The following MAGI2 variants were observed in gnomAD, a reference collection of about 807,000 sequenced individuals.
The protein encoded by MAGI2 is membrane-associated guanylate kinase, WW and PDZ domain-containing protein 2.
Under a neutral mutation model 133.3 loss-of-function variants are expected in MAGI2, and 35 were observed. The observed-to-expected ratio is 0.26, with a 90% CI of 0.20 to 0.35. The LOEUF (loss-of-function observed/expected upper bound fraction) is 0.35. Ranked by LOEUF, MAGI2 falls within the 10% of genes least tolerant of loss-of-function variation. The pLI is 1.00. For missense variants in MAGI2, 1,636 were observed against 1,863.4 expected, an observed-to-expected ratio of 0.88 and a Z score of 2.25; for synonymous variants, 729 against 710.6, an observed-to-expected ratio of 1.03 and a Z score of -0.41.
intron 3 of MAGI2, among the ~76,000 whole-genome samples, chr7:78,565,018 C>T (rs1015459477): frequency 2.6e-5 from 4 of 151,880 alleles, no homozygotes; most frequent in Non-Finnish European, 4.4e-5. Context: ...TGGTCTTGAT[C>T]TCCTGACCTT....
intron 1 of MAGI2, among the ~76,000 whole-genome samples, chr7:79,425,391 CT>C (rs1225263868): frequency 6.6e-6 from 1 of 151,828 alleles, no homozygotes; most frequent in Admixed American, 6.6e-5. Flanking sequence ...AGTATTCTGA[CT>C]TCTACGTAAC....
rs1352227348 is a variant in MAGI2 at position 78,160,146 on chromosome 7, A to G, written c.2724T>C (p.Pro908=). 9.3e-6 allele frequency: 15 copies of G among 1,612,506 alleles called. No homozygotes were observed. Among genetic ancestry groups the G allele is most frequent in the African/African-American group, 2.7e-5 (2 of 74,938 alleles). The change falls in exon 16 of 22, where the codon CCT becomes CCC. Residue 908 remains proline (P), a synonymous_variant. Coordinates refer to ENST00000354212, the MANE Select transcript of MAGI2 (RefSeq NM_012301.4). The part of the protein sequence containing the change: ...HAAPSSNASP[P]EGFASHSLQT... ...GCAGGCTGTGGGAGGCGAAGCCTTC[A>G]GGGGGAGAGGCATTGCTACTGGGGG...
intron 10 of MAGI2, among the ~76,000 whole-genome samples, chr7:78,228,639 T>G (rs566370374): frequency 6.6e-6 from 1 of 152,234 alleles, no homozygotes; most frequent in African/African-American, 2.4e-5. Flanking sequence ...TCCGAGTGTT[T>G]ATATTTAAAA....
At chr7:78,445,487 T>C (rs894355410) in intron 6 of MAGI2, among the ~76,000 whole-genome samples, 2 of 152,092 alleles carry the variant, frequency 1.3e-5, no homozygotes, top group African/African-American at 4.8e-5. Context: ...ATATATAATC[T>C]TCATATACCC....
At position 78,832,144 on chromosome 7, in the gene MAGI2, T is replaced by C. The variant is rs535834279; in HGVS notation, c.418+174946A>G. 5.9e-5 allele frequency among the ~76,000 whole-genome samples: 9 copies of C among 151,306 alleles called. No individual in the cohort carries two copies. The East Asian group carries it at 1.8e-3, about 30-fold the overall frequency. Reference sequence around the variant, plus strand: ...CATGATGAACCCTAACTAAAGCTGCTCAAAGTATTCTCTGAAGAAAAAAAA... The same window carrying C: ...CATGATGAACCCTAACTAAAGCTGCCCAAAGTATTCTCTGAAGAAAAAAAA... On this transcript the variant is annotated intron_variant, in intron 2 of 21. Transcript: ENST00000354212.
At chr7:78,544,611 C>A (rs1047670265) in intron 3 of MAGI2, among the ~76,000 whole-genome samples, 3 of 152,068 alleles carry the variant, frequency 2.0e-5, no homozygotes, top group African/African-American at 7.2e-5. Context: ...ATCTGCAGTC[C>A]AGTAGCATCA....
chr7:79,274,299 G>A (rs1043351250), intron 1 of MAGI2, among the ~76,000 whole-genome samples: 3 of 152,074 alleles, frequency 2.0e-5, no homozygotes, highest in African/African-American at 7.2e-5. Context: ...TACCTTCAGA[G>A]TTTCTGATTC....
intron 21 of MAGI2, among the ~76,000 whole-genome samples, chr7:78,064,701 A>G (rs1319492124): frequency 6.6e-6 from 1 of 152,170 alleles, no homozygotes; most frequent in Non-Finnish European, 1.5e-5. Context: ...AGCCAAAGTG[A>G]CATATAAAAT....
At chr7:79,270,465 T>C (rs1243921207) in intron 1 of MAGI2, among the ~76,000 whole-genome samples, 1 of 152,186 alleles carries the variant, frequency 6.6e-6, no homozygotes, top group Non-Finnish European at 1.5e-5. Context: ...ATTGAAGCAA[T>C]CTGTGATCAT....
At chr7:79,176,608 T>A (rs540911319) in intron 1 of MAGI2, among the ~76,000 whole-genome samples, 1 of 151,972 alleles carries the variant, frequency 6.6e-6, no homozygotes, top group Non-Finnish European at 1.5e-5. Flanking sequence ...ATCAGAGATA[T>A]ATAGATACAT....
At position 78,809,073 on chromosome 7, in the gene MAGI2, A is replaced by G. The variant is rs188373811; in HGVS notation, c.419-181834T>C. On this transcript the variant is annotated intron_variant, in intron 2 of 21. Transcript: ENST00000354212. ...AGTATAACTTAACATTGATGGTGAA[A>G]ATACAACAATTTGTCTTCGTTTGCA... 3.5e-4 allele frequency among the ~76,000 whole-genome samples: 54 copies of G among 152,314 alleles called. 2 individuals are homozygous for G. The South Asian group carries it at 0.011, about 30-fold the overall frequency.
At chr7:78,836,922 G>C (rs1329228250) in intron 2 of MAGI2, among the ~76,000 whole-genome samples, 1 of 152,100 alleles carries the variant, frequency 6.6e-6, no homozygotes, top group Non-Finnish European at 1.5e-5. Context: ...TTCGTACTTT[G>C]TGTTTACATA....
In MAGI2 at chr7:79,158,388, T is replaced by C. The variant is rs1466824254; in HGVS notation, c.302-151182A>G. Among the ~76,000 whole-genome samples, 4 of 152,114 alleles carry C rather than the reference T, an allele frequency of 2.6e-5. 1 individual carries two copies. Among genetic ancestry groups the C allele is most frequent in the Non-Finnish European group, 5.9e-5 (4 of 67,982 alleles). On this transcript the variant is annotated intron_variant, in intron 1 of 21. Transcript: ENST00000354212. Reference sequence around the variant, plus strand: ...TAAAAAAAGACTAGTCAAATGCTTTTTCCAAGTTCACGTGACTTAAGAAAA... The same window carrying C: ...TAAAAAAAGACTAGTCAAATGCTTTCTCCAAGTTCACGTGACTTAAGAAAA...
intron 2 of MAGI2, among the ~76,000 whole-genome samples, chr7:78,661,631 A>C (rs1473762599): frequency 2.0e-5 from 3 of 152,046 alleles, no homozygotes; most frequent in Admixed American, 6.6e-5. Flanking sequence ...CCCTCACTCA[A>C]CTAGACCAGT....
intron 1 of MAGI2, among the ~76,000 whole-genome samples, chr7:79,058,169 A>T (rs1584812262): frequency 1.3e-5 from 2 of 152,138 alleles, no homozygotes; most frequent in South Asian, 4.1e-4. Flanking sequence ...ATGCGATGGG[A>T]TACAAATTCA....
intron 6 of MAGI2, among the ~76,000 whole-genome samples, chr7:78,375,236 C>T (rs975088225): frequency 6.6e-5 from 10 of 152,026 alleles, no homozygotes; most frequent in Admixed American, 4.6e-4. Flanking sequence ...TTTCTGCTCC[C>T]TAGAAAAACT....
At chr7:78,087,435 T>C (rs1299444438) in intron 20 of MAGI2, among the ~76,000 whole-genome samples, 2 of 152,202 alleles carry the variant, frequency 1.3e-5, no homozygotes, top group African/African-American at 4.8e-5. Context: ...AAATGTAATC[T>C]ATTATTAATC....
At chr7:78,591,082 A>G (rs1246249938) in intron 3 of MAGI2, among the ~76,000 whole-genome samples, 1 of 152,194 alleles carries the variant, frequency 6.6e-6, no homozygotes, top group African/African-American at 2.4e-5. Context: ...TCTAAACTCC[A>G]AAGAGATTAT....
chr7:78,831,042 G>C (rs59186183), intron 2 of MAGI2, among the ~76,000 whole-genome samples: 12,855 of 150,778 alleles, frequency 0.085, 1,061 homozygotes, highest in African/African-American at 0.22. Flanking sequence ...ATAACATTTG[G>C]TTGGAAGTAG....
Sources: gnomAD v4.1 joint callset for allele counts (sites outside exome capture counted in the v4.1 genomes callset) on GRCh38, gnomAD v4.1.1 for gene constraint, MANE v1.5 for transcripts, NCBI Gene and HGNC (gene_info 2026-07-23, HGNC 2026-07-21) for gene names.